The following TM9SF3 variants were observed in gnomAD, a reference collection of about 807,000 sequenced individuals.
TM9SF3 encodes transmembrane 9 superfamily member 3, also known as SM-11044-binding protein.
TM9SF3 carries 14 observed loss-of-function variants against 78.6 expected under a neutral mutation model. That is an observed-to-expected ratio of 0.18 (90% CI 0.12 to 0.28). TM9SF3 has a LOEUF of 0.28. Among genes scored for constraint, TM9SF3 ranks in the 10% least tolerant of loss-of-function variants. The pLI is 1.00. For missense variants in TM9SF3, 496 were observed against 721.9 expected (o/e 0.69, Z 3.59); for synonymous variants, 231 against 241.7 (o/e 0.96, Z 0.41).
chr10:96,544,044 T>C, intron 9 of TM9SF3, 32 bp downstream of exon 9: 2 of 1,591,346 alleles, frequency 1.3e-6, no homozygotes, highest in Non-Finnish European at 8.5e-7. Context: ...TGTATACTTT[T>C]TCAGTTTAAA....
intron 1 of TM9SF3, among the ~76,000 whole-genome samples, chr10:96,578,275 G>A (rs1218016748): frequency 6.6e-6 from 1 of 152,050 alleles, no homozygotes; most frequent in Non-Finnish European, 1.5e-5. Context: ...ACCAAGTATC[G>A]CGTTAGGTAT....
intron 1 of TM9SF3, among the ~76,000 whole-genome samples, chr10:96,577,708 A>C (rs1848513775): frequency 6.6e-6 from 1 of 152,220 alleles, no homozygotes. Flanking sequence ...TTCACTGAAC[A>C]ATTATTTACT....
At chr10:96,576,487 G>C in intron 2 of TM9SF3, 147 bp downstream of exon 2, 2 of 709,380 alleles carry the variant, frequency 2.8e-6, no homozygotes, top group Non-Finnish European at 4.2e-6. Context: ...GGGGGGTACA[G>C]GCCAGGGACT....
chr10:96,572,931 T>C (rs775176443), intron 2 of TM9SF3, among the ~76,000 whole-genome samples: 11 of 152,194 alleles, frequency 7.2e-5, no homozygotes, highest in Non-Finnish European at 1.6e-4. Flanking sequence ...AGAGTTAGAC[T>C]ATCATTAGTT....
intron 2 of TM9SF3, among the ~76,000 whole-genome samples, chr10:96,569,761 C>A (rs1182494413): frequency 2.6e-5 from 4 of 152,148 alleles, no homozygotes; most frequent in Non-Finnish European, 5.9e-5. Flanking sequence ...AGGCCGGGCG[C>A]AATGGCTCAC....
intron 4 of TM9SF3, 128 bp from the exon 5 acceptor site, chr10:96,559,864 GTTAC>G: frequency 3.5e-6 from 2 of 578,922 alleles, no homozygotes; most frequent in Non-Finnish European, 6.0e-6. Flanking sequence ...ATGGAGGAAA[GTTAC>G]TTACAACATG....
At chr10:96,568,526 G>A (rs1368335120) in intron 2 of TM9SF3, among the ~76,000 whole-genome samples, 1 of 152,202 alleles carries the variant, frequency 6.6e-6, no homozygotes, top group African/African-American at 2.4e-5. Flanking sequence ...TCTACCATCA[G>A]TTCCCAATAA....
At chr10:96,581,489 T>C (rs1302747994) in intron 1 of TM9SF3, among the ~76,000 whole-genome samples, 2 of 152,220 alleles carry the variant, frequency 1.3e-5, no homozygotes, top group African/African-American at 4.8e-5. Flanking sequence ...AGAATTCTAA[T>C]ACAAATAAAT....
chr10:96,557,404 G>C (rs10882819), intron 5 of TM9SF3, among the ~76,000 whole-genome samples: 63,829 of 122,006 alleles, frequency 0.52, 14,469 homozygotes, highest in Middle Eastern at 0.63. Context: ...AATGCCGCCA[G>C]CTTTAACTTC....
chr10:96,545,386 A>C (rs17482894), intron 8 of TM9SF3, among the ~76,000 whole-genome samples: 16,441 of 152,258 alleles, frequency 0.11, 1,047 homozygotes, highest in Middle Eastern at 0.22. Context: ...ACGTTCCTCC[A>C]GAAAAACTCC....
chr10:96,540,475 GGTACTCCT>G (rs1366991738), intron 9 of TM9SF3, among the ~76,000 whole-genome samples: 1 of 152,006 alleles, frequency 6.6e-6, no homozygotes, highest in African/African-American at 2.4e-5. Flanking sequence ...AAGGCAGCTG[GGTACTCCT>G]GTACAATCAA....
At chr10:96,548,797 CAA>C (rs5787196) in intron 7 of TM9SF3, among the ~76,000 whole-genome samples, 826 of 58,424 alleles carry the variant, frequency 0.014, 5 homozygotes, top group African/African-American at 0.045. Context: ...GACTCCATCT[CAA>C]AAAAAAAAAA....
At chr10:96,576,570 C>T in intron 2 of TM9SF3, 64 bp downstream of exon 2, 2 of 1,442,888 alleles carry the variant, frequency 1.4e-6, no homozygotes, top group Non-Finnish European at 9.3e-7. Flanking sequence ...GTCAATAGTG[C>T]CAAAATATGA....
chr10:96,546,179 A>C (rs1042592479), intron 8 of TM9SF3, among the ~76,000 whole-genome samples: 1 of 152,200 alleles, frequency 6.6e-6, no homozygotes, highest in Non-Finnish European at 1.5e-5. Context: ...AGTCTGAAAA[A>C]TTATTGATCC....
At chr10:96,537,772 A>G (rs889867687) in intron 9 of TM9SF3, among the ~76,000 whole-genome samples, 1 of 152,200 alleles carries the variant, frequency 6.6e-6, no homozygotes, top group Non-Finnish European at 1.5e-5. Flanking sequence ...ATGGAGGAAC[A>G]GAAATTTAAA....
At chr10:96,581,127 C>T (rs868008183) in intron 1 of TM9SF3, among the ~76,000 whole-genome samples, 3 of 152,210 alleles carry the variant, frequency 2.0e-5, no homozygotes, top group African/African-American at 2.4e-5. Flanking sequence ...TATTTGCACT[C>T]TAATCTCAAA....
chr10:96,535,781 T>C lies in TM9SF3; in HGVS notation c.1186-2591A>G, dbSNP rs77822649. 5.2e-3 allele frequency among the ~76,000 whole-genome samples: 799 copies of C among 152,192 alleles called. 9 individuals carry two copies. The highest frequency in any genetic ancestry group is 0.018 in the African/African-American group (766 of 41,534). On this transcript the variant is annotated intron_variant, in intron 9 of 14. Transcript: ENST00000371142. The stretch of plus-strand genomic sequence containing the variant: ...TCAAGTACTGCCTATTGGTGCTTAA[T>C]ACCCCAAAGATCTACATACTGATCA...
intron 5 of TM9SF3, among the ~76,000 whole-genome samples, chr10:96,555,327 T>C (rs1848222630): frequency 6.6e-6 from 1 of 152,200 alleles, no homozygotes; most frequent in African/African-American, 2.4e-5. Flanking sequence ...ATTTTTCTTA[T>C]AATTTCTTCT....
At chr10:96,586,340 A>G (rs988496777) in intron 1 of TM9SF3, among the ~76,000 whole-genome samples, 3 of 152,158 alleles carry the variant, frequency 2.0e-5, no homozygotes, top group Non-Finnish European at 4.4e-5. Context: ...AGCCCTCAGT[A>G]GCCAGAAGGC....
Sources: gnomAD v4.1 joint callset for allele counts (sites outside exome capture counted in the v4.1 genomes callset) on GRCh38, gnomAD v4.1.1 for gene constraint, MANE v1.5 for transcripts, NCBI Gene and HGNC (gene_info 2026-07-23, HGNC 2026-07-21) for gene names.